Variants in ITGA2B observed in about 807,000 individuals in gnomAD.
The protein encoded by ITGA2B is integrin alpha-IIb.
Under a neutral mutation model 142.0 loss-of-function variants are expected in ITGA2B, and 91 were observed. That is an observed-to-expected ratio of 0.64 (90% CI 0.54 to 0.76). The LOEUF is 0.76. Ranked by LOEUF, ITGA2B falls within the 30% of genes least tolerant of loss-of-function variation. ITGA2B has a pLI of 0.00. For missense variants in ITGA2B, 1,231 were observed against 1,350.8 expected (o/e 0.91, Z 1.39); for synonymous variants, 536 against 567.2 (o/e 0.94, Z 0.78).
intron 21 of ITGA2B, 91 bp from the exon 22 acceptor site, chr17:44,377,179 G>T (rs2143444722): frequency 1.1e-6 from 1 of 890,226 alleles, no homozygotes; most frequent in Non-Finnish European, 1.8e-6. Flanking sequence ...CACCCTCCAA[G>T]ATCACCACTA....
In ITGA2B at chr17:44,375,575, C is replaced by T. The variant is rs1567898286; in HGVS notation, c.2727+16G>A. On this transcript the variant is annotated intron_variant, in intron 26 of 29. Transcript: ENST00000262407. ...GTCCCGGGGAGGCCGGGCCAGAGAC[C>T]AGAGAGCCTGCTCACTACGAGAACT... The T allele has an allele frequency of 6.2e-7, 1 of 1,613,362 alleles. No homozygotes were observed. The highest frequency in any genetic ancestry group is 8.5e-7 in the Non-Finnish European group (1 of 1,179,518).
In ITGA2B at chr17:44,372,396, G is replaced by T; in HGVS notation, c.3088C>A (p.Pro1030Thr). 1 of 1,614,100 alleles carries T rather than the reference G, an allele frequency of 6.2e-7. No individual in the cohort carries two copies. The highest frequency in any genetic ancestry group is 8.5e-7 in the Non-Finnish European group (1 of 1,180,012). The change falls in exon 30 of 30, where the codon CCC (proline) becomes ACC (threonine). Residue 1030 changes from proline (P) to threonine (T), a missense_variant. Pro to Thr is a conservative substitution (Grantham distance 38). Around this residue, in one of 3 missense-constraint regions of ITGA2B, gnomAD observed 908 missense variants for 1,021.1 expected, o/e 0.89. Transcript: ENST00000262407. The stretch of plus-strand genomic sequence containing the variant: ...CCCTCTTCATCATCTTCTTCCAGGG[G>T]TGGCCGGTTCCGCTTGAAGAAGCCG... Reference protein sequence around the residue: ...KVGFFKRNRPPLEEDDEEGE With the variant: ...KVGFFKRNRPTLEEDDEEGE
At position 44,380,873 on chromosome 17, in the gene ITGA2B, G is replaced by C. The variant is rs768177945; in HGVS notation, c.1393+6C>G. 82 of 1,614,128 alleles carry C rather than the reference G, an allele frequency of 5.1e-5. No homozygotes were observed. Among genetic ancestry groups the C allele is most frequent in the Non-Finnish European group, 6.9e-5 (82 of 1,180,042 alleles). The stretch of plus-strand genomic sequence containing the variant: ...GGCATTTCTAGCTGGAGGCAGTCCA[G>C]GGCACCTGGGTATCCGTTGTCATCG... On this transcript the variant is annotated splice_donor_region_variant and intron_variant, in intron 13 of 29. Coordinates refer to ENST00000262407, the MANE Select transcript of ITGA2B (RefSeq NM_000419.5).
chr17:44,376,052 C>G (rs370257339), intron 24 of ITGA2B, 33 bp downstream of exon 24: 12 of 1,613,990 alleles, frequency 7.4e-6, no homozygotes, highest in African/African-American at 1.3e-5. Flanking sequence ...AGGACCCGCT[C>G]ACCCCAGCCA....
In ITGA2B at chr17:44,383,615, AGGAACAAATACACACGCCCCACTTC is replaced by A. The variant is rs768533359; in HGVS notation, c.1063_1087del (p.Glu355CysfsTer16). On this transcript the variant is annotated frameshift_variant, in exon 12 of 30. Transcript: ENST00000262407. LOFTEE classifies it high-confidence loss of function. ...CAGCGCGTGGGGGCCTCGCGGCTGC[AGGAACAAATACACACGCCCCACTTC>A]GGCCAGTTTTCGGTCTGCCCGGCTC... is the stretch of plus-strand genomic sequence containing the variant. 4 of 1,608,058 alleles carry A rather than the reference AGGAACAAATACACACGCCCCACTTC, an allele frequency of 2.5e-6. No individual in the cohort carries two copies. The South Asian group carries it at 4.5e-5, about 18-fold the overall frequency.
rs189935142 is a variant in ITGA2B, at chr17:44,372,916, C to T, written c.3061-493G>A. ...GATTACAGGCATAAGCCACTGTGCC[C>T]GGCCTCTGAATTTTTCTTTTTTATT... On this transcript the variant is annotated intron_variant, in intron 29 of 29. Transcript: ENST00000262407. 1.8e-4 allele frequency among the ~76,000 whole-genome samples: 28 copies of T among 152,128 alleles called. No homozygotes were observed. In the East Asian group the frequency reaches 3.1e-3, roughly 17 times the overall value.
intron 8 of ITGA2B, 54 bp from the exon 9 acceptor site, chr17:44,384,408 T>C (rs2048625271): frequency 6.2e-7 from 1 of 1,609,566 alleles, no homozygotes; most frequent in Non-Finnish European, 8.5e-7. Context: ...ACCTACCCAC[T>C]TCCCGCTCCC....
Position 44,384,361 on chromosome 17 carries a change from A to T in ITGA2B, c.848-7T>A. On this transcript the variant is annotated splice_polypyrimidine_tract_variant and splice_region_variant and intron_variant, in intron 8 of 29. Transcript: ENST00000262407. ...GGGGCACCGACGACATATTCTGGCG[A>T]TAGGGAGAGCCAGGCTCAGGGAATG... 3 of 1,613,802 alleles carry T rather than the reference A, an allele frequency of 1.9e-6. No individual in the cohort carries two copies. Among genetic ancestry groups the T allele is most frequent in the Non-Finnish European group, 2.5e-6 (3 of 1,179,932 alleles).
At chr17:44,387,631 C>G (rs2048661022) in intron 1 of ITGA2B, among the ~76,000 whole-genome samples, 1 of 151,350 alleles carries the variant, frequency 6.6e-6, no homozygotes, top group South Asian at 2.1e-4. Flanking sequence ...TTCGAGACCA[C>G]CCTGACCAAC....
chr17:44,374,900 CCT>C, intron 27 of ITGA2B, 96 bp downstream of exon 27: 1 of 1,280,552 alleles, frequency 7.8e-7, no homozygotes, highest in Non-Finnish European at 1.1e-6. Flanking sequence ...CCTTGCCTTC[CCT>C]CTCTTCCTGC....
intron 20 of ITGA2B, among the ~76,000 whole-genome samples, chr17:44,378,110 C>T (rs891093557): frequency 1.3e-5 from 2 of 151,978 alleles, no homozygotes; most frequent in African/African-American, 4.8e-5. Context: ...GAAGGAAATC[C>T]ACCAAATGTT....
rs1567896458 is a variant in ITGA2B, at chr17:44,372,411, T to C, written c.3073A>G (p.Lys1025Glu). 1.9e-6 allele frequency: 3 copies of C among 1,613,860 alleles called. No individual in the cohort carries two copies. The Admixed American group carries it at 5.0e-5, about 27-fold the overall frequency. ...TCTTCCAGGGGTGGCCGGTTCCGCT[T>C]GAAGAAGCCGACCTGGGGGTACACG... ...VLAMWKVGFFKRNRPPLEEDD... is the reference protein window; with the variant it reads ...VLAMWKVGFFERNRPPLEEDD... Residue 1025 changes from lysine (K) to glutamate (E), a missense_variant, in exon 30 of 30, where the codon AAG becomes GAG. Physicochemically the swap from Lys to Glu is moderately conservative, Grantham distance 56 (BLOSUM62 1). Transcript: ENST00000262407.
Position 44,385,814 on chromosome 17 carries a change from CG to C in ITGA2B, c.408+9del. On this transcript the variant is annotated intron_variant, in intron 3 of 29. Transcript: ENST00000262407. ...CGATTGTTCCCTGTGCCCTGTACCG[CG>C]GGGCCCACCACAATGACGTCGCTCC... 1 of 1,604,664 alleles carries C rather than the reference CG, an allele frequency of 6.2e-7. No individual in the cohort carries two copies. The highest frequency in any genetic ancestry group is 1.1e-5 in the South Asian group (1 of 90,104).
In ITGA2B at chr17:44,380,255, G is replaced by C. The variant is rs1175814929; in HGVS notation, c.1591C>G (p.Gln531Glu). The change falls in exon 16 of 30, where the codon CAG (glutamine) becomes GAG (glutamate). Residue 531 changes from glutamine to glutamate, a missense_variant. Gln to Glu is a conservative substitution (Grantham distance 29). This residue lies in a region of ITGA2B where 908 missense variants were observed against 1,021.1 expected (regional missense o/e 0.89). Coordinates refer to ENST00000262407, the MANE Select transcript of ITGA2B (RefSeq NM_000419.5). ...CVGATGHNIP[Q>E]KLSLNAELQL... Reference sequence around the variant, plus strand: ...CCTTCATGCCACTCACATAGCTTCTGAGGAATGTTGTGCCCAGTGGCTCCA... The same window carrying C: ...CCTTCATGCCACTCACATAGCTTCTCAGGAATGTTGTGCCCAGTGGCTCCA... 1.2e-6 allele frequency: 2 copies of C among 1,614,098 alleles called. No homozygotes were observed. The highest frequency in any genetic ancestry group is 1.7e-6 in the Non-Finnish European group (2 of 1,180,060).
Position 44,389,286 on chromosome 17 carries a change from C to T in ITGA2B, c.188G>A (p.Arg63Lys), listed in dbSNP as rs767688038. The T allele has an allele frequency of 1.9e-6, 3 of 1,614,160 alleles. No individual in the cohort carries two copies. Among genetic ancestry groups the T allele is most frequent in the Non-Finnish European group, 2.5e-6 (3 of 1,180,026 alleles). The change falls in exon 1 of 30, where the codon AGA (arginine) becomes AAA (lysine). Residue 63 changes from arginine (R) to lysine (K), a missense_variant and splice_region_variant. Arg to Lys is a conservative substitution (Grantham distance 26). Transcript: ENST00000262407. ...TACCCCAACTTCCCTTACGGCTCAC[C>T]TCCCATGGCTGTCCTTGTGGAAGTC... ...SLDFHKDSHGRVAIVVGAPRT... is the reference protein window; with the variant it reads ...SLDFHKDSHGKVAIVVGAPRT...
In ITGA2B at chr17:44,385,084, G is replaced by C; in HGVS notation, c.671-8C>G. The C allele has an allele frequency of 6.2e-7, 1 of 1,614,154 alleles. No homozygotes were observed. The highest frequency in any genetic ancestry group is 2.2e-5 in the East Asian group (1 of 44,874). The stretch of plus-strand genomic sequence containing the variant: ...GAGCCTGGGCCAGGAGACCTAGGGC[G>C]GGAGGGACAGCGGGTGTGAAGCCCA... On this transcript the variant is annotated splice_region_variant and splice_polypyrimidine_tract_variant and intron_variant, in intron 6 of 29. Transcript: ENST00000262407.
At chr17:44,381,636 T>A (rs924177688) in intron 12 of ITGA2B, among the ~76,000 whole-genome samples, 15 of 144,310 alleles carry the variant, frequency 1.0e-4, no homozygotes, top group Non-Finnish European at 2.1e-4. Flanking sequence ...AAGCCCCTTT[T>A]AAAATTTTTT....
At position 44,379,214 on chromosome 17, in the gene ITGA2B, A is replaced by G. The variant is rs145443054; in HGVS notation, c.1878+475T>C. Among the ~76,000 whole-genome samples, 1,279 of 147,768 alleles carry G rather than the reference A, an allele frequency of 8.7e-3. 9 individuals carry two copies. The highest frequency in any genetic ancestry group is 0.013 in the Non-Finnish European group (856 of 67,276). On this transcript the variant is annotated intron_variant, in intron 18 of 29. Coordinates refer to ENST00000262407, the MANE Select transcript of ITGA2B (RefSeq NM_000419.5). The stretch of plus-strand genomic sequence containing the variant: ...CGTGATCCACCCGCCTTGGCCTCCC[A>G]AAGTGCTGGGATTACAGGCGTGAGC...
In ITGA2B at chr17:44,383,701, C is replaced by T; in HGVS notation, c.1002G>A (p.Arg334=). The change falls in exon 12 of 30, where the codon AGG becomes AGA. Residue 334 remains arginine (R), a synonymous_variant. Transcript: ENST00000262407. ...GTGGAGCGCCCACCAGCAGATCATG[C>T]CTCCTGTGGGCCAGATGAGTGGTTA... ...VAVTDVNGDG[R]HDLLVGAPLY... is the part of the protein sequence containing the mutation. 1 of 1,574,396 alleles carries T rather than the reference C, an allele frequency of 6.4e-7. No homozygotes were observed. The highest frequency in any genetic ancestry group is 8.6e-7 in the Non-Finnish European group (1 of 1,159,376).
Sources: allele counts gnomAD v4.1 joint callset (sites outside exome capture counted in the v4.1 genomes callset), GRCh38; gene constraint gnomAD v4.1.1; regional missense constraint gnomAD v4.1.1; transcripts MANE v1.5; gene names NCBI Gene and HGNC (gene_info 2026-07-23, HGNC 2026-07-21).